HPD: variants seen among roughly 807,000 people sequenced by gnomAD.
HPD encodes 4-hydroxyphenylpyruvic acid oxidase.
Under a neutral mutation model 56.9 loss-of-function variants are expected in HPD, and 35 were observed. The observed-to-expected ratio is 0.62, with a 90% CI of 0.47 to 0.82. HPD has a LOEUF of 0.82. Among genes scored for constraint, HPD ranks in the 40% least tolerant of loss-of-function variants. The pLI, the probability that HPD is intolerant of heterozygous loss-of-function variation, is 0.00. For synonymous variants in HPD, 186 were observed against 200.2 expected (o/e 0.93, Z 0.60); for missense variants, 442 against 506.8 (o/e 0.87, Z 1.23).
Position 121,839,669 on chromosome 12 carries a change from G to A in HPD, c.*59C>T, listed in dbSNP as rs1877337707. On this transcript the variant is annotated 3_prime_UTR_variant, in exon 14 of 14. Coordinates refer to ENST00000289004, the MANE Select transcript of HPD (RefSeq NM_002150.3). ...GGAGCAGCCAGTAGGGAAGTTGGGC[G>A]AGTTCCAGAATCAGGGGGCGTGGCT... 2.4e-6 allele frequency: 3 copies of A among 1,262,520 alleles called. No individual in the cohort carries two copies. Among genetic ancestry groups the A allele is most frequent in the Non-Finnish European group, 3.5e-6 (3 of 861,556 alleles). 78.2% of individuals were successfully genotyped at this position (1,262,520 alleles called of 1,614,324 possible). A position where few individuals can be genotyped will look rare whatever the true frequency, so the allele number is the denominator to read the frequency against.
the HPD span, among the ~76,000 whole-genome samples, chr12:121,871,208 C>A: frequency 2.4e-3 from 357 of 151,672 alleles, 5 homozygotes; most frequent in East Asian, 0.035. Context: ...CAAAAAAAAA[C>A]CCCAAAATCA....
At chr12:121,868,202 C>G (rs893616104), upstream of HPD, among the ~76,000 whole-genome samples, 1 of 152,132 alleles carries the variant, frequency 6.6e-6, no homozygotes, top group Non-Finnish European at 1.5e-5. Context: ...AAAACCCAAA[C>G]AAACAACACT....
chr12:121,851,516 G>A (rs1329782565), intron 7 of HPD, among the ~76,000 whole-genome samples: 1 of 148,546 alleles, frequency 6.7e-6, no homozygotes, highest in African/African-American at 2.5e-5. Flanking sequence ...GCTAATTTTT[G>A]TATATTTAGT....
Position 121,846,895 on chromosome 12 carries a change from G to A in HPD, c.798C>T (p.His266=). 1.9e-6 allele frequency: 3 copies of A among 1,614,178 alleles called. No individual in the cohort carries two copies. The highest frequency in any genetic ancestry group is 1.7e-6 in the Non-Finnish European group (2 of 1,180,032). ...TGATGTCTTCGGTCTTGAGAGCGAT[G>A]TGCTGGACCCCAGCGCCCCCGTTAT... ...VDYNGGAGVQ[H]IALKTEDIIT... The change falls in exon 11 of 14, where the codon CAC becomes CAT. Residue 266 remains histidine, a synonymous_variant. Transcript: ENST00000289004.
At position 121,839,934 on chromosome 12, in the gene HPD, G is replaced by A; in HGVS notation, c.1069C>T (p.Gln357Ter). 1 of 1,612,928 alleles carries A rather than the reference G, an allele frequency of 6.2e-7. No homozygotes were observed. Among genetic ancestry groups the A allele is most frequent in the Non-Finnish European group, 8.5e-7 (1 of 1,178,862 alleles). Residue 357 changes from glutamine to a stop codon, truncating the protein, a stop_gained and splice_region_variant, in exon 13 of 14, where the codon CAG (glutamine) becomes TAG (stop). Coordinates refer to ENST00000289004, the MANE Select transcript of HPD (RefSeq NM_002150.3). LOFTEE classifies it high-confidence loss of function. Reference protein sequence around the residue: ...FLEVIQRHNHQGFGAGNFNSL... With the variant: ...FLEVIQRHNH The stretch of plus-strand genomic sequence containing the variant: ...GGCCTGCCGGGGACAAGCAGTACCT[G>A]GTGGTTGTGGCGCTGGATGACTTCC...
At chr12:121,856,765 G>A in intron 4 of HPD, 140 bp from the exon 5 acceptor site, 2 of 784,562 alleles carry the variant, frequency 2.5e-6, no homozygotes, top group South Asian at 2.9e-5. Flanking sequence ...CTCCTTCTCT[G>A]CCTTAGTTTC....
chr12:121,858,491 A>G (rs1050972475), intron 2 of HPD, among the ~76,000 whole-genome samples, 196 bp downstream of exon 2: 8 of 151,818 alleles, frequency 5.3e-5, no homozygotes, highest in African/African-American at 1.9e-4. Flanking sequence ...GCCAGGATAC[A>G]AGTTTGTTGT....
In HPD at chr12:121,839,667, G is replaced by C; in HGVS notation, c.*61C>G. On this transcript the variant is annotated 3_prime_UTR_variant, in exon 14 of 14. Transcript: ENST00000289004. ...GGGGAGCAGCCAGTAGGGAAGTTGGGCGAGTTCCAGAATCAGGGGGCGTGG... is the reference window on the plus strand; with the variant it reads ...GGGGAGCAGCCAGTAGGGAAGTTGGCCGAGTTCCAGAATCAGGGGGCGTGG... The C allele has an allele frequency of 2.4e-6, 3 of 1,250,546 alleles. No homozygotes were observed. The highest frequency in any genetic ancestry group is 3.5e-6 in the Non-Finnish European group (3 of 851,016). 77.5% of individuals were successfully genotyped at this position (1,250,546 alleles called of 1,614,324 possible).
chr12:121,879,445 C>A, the HPD span, among the ~76,000 whole-genome samples: 5 of 151,792 alleles, frequency 3.3e-5, no homozygotes, highest in Non-Finnish European at 5.9e-5. Flanking sequence ...GAATGCCCAC[C>A]CAGACTACTC....
the HPD span, among the ~76,000 whole-genome samples, chr12:121,886,338 A>C: frequency 6.7e-6 from 1 of 149,886 alleles, no homozygotes; most frequent in African/African-American, 2.5e-5. Flanking sequence ...TCGATCTCCT[A>C]ACCTCATGAT....
chr12:121,879,431 C>G, the HPD span, among the ~76,000 whole-genome samples: 2 of 150,162 alleles, frequency 1.3e-5, no homozygotes, highest in Admixed American at 1.3e-4. Flanking sequence ...CTTGGATGAT[C>G]TGGGAATGCC....
chr12:121,886,158 G>C, the HPD span, among the ~76,000 whole-genome samples: 1 of 148,576 alleles, frequency 6.7e-6, no homozygotes, highest in African/African-American at 2.5e-5. Flanking sequence ...GCCCGGGCTG[G>C]AGTGCAGTGG....
chr12:121,882,412 T>C, the HPD span, among the ~76,000 whole-genome samples: 1 of 152,180 alleles, frequency 6.6e-6, no homozygotes, highest in Non-Finnish European at 1.5e-5. Flanking sequence ...GAGAGGCAAC[T>C]GAAGTTCTCC....
At chr12:121,881,073 G>C in the HPD span, among the ~76,000 whole-genome samples, 2 of 152,330 alleles carry the variant, frequency 1.3e-5, no homozygotes, top group South Asian at 4.1e-4. Flanking sequence ...TTACAGGCGT[G>C]AGCCAACGTG....
the HPD span, among the ~76,000 whole-genome samples, chr12:121,886,700 C>A: frequency 0.029 from 4,485 of 152,120 alleles, 113 homozygotes; most frequent in Non-Finnish European, 0.042. Flanking sequence ...AAAAGTGATT[C>A]TCTCATATAA....
the HPD span, among the ~76,000 whole-genome samples, chr12:121,870,595 G>GT: frequency 0.33 from 40,906 of 123,228 alleles, 7,726 homozygotes; most frequent in Non-Finnish European, 0.42. Context: ...GCTATTGAAG[G>GT]TTTTTTTTTT....
At chr12:121,866,248 C>G (rs551984527), upstream of HPD, among the ~76,000 whole-genome samples, 1 of 148,642 alleles carries the variant, frequency 6.7e-6, no homozygotes, top group Admixed American at 6.8e-5. Flanking sequence ...TTGCAGTGAG[C>G]AGAGATCTTG....
upstream of HPD, among the ~76,000 whole-genome samples, chr12:121,866,607 A>G (rs1223163282): frequency 6.6e-6 from 1 of 151,312 alleles, no homozygotes; most frequent in African/African-American, 2.4e-5. Context: ...AAGCTTAGTG[A>G]CTTCAGGGTT....
At chr12:121,886,109 G>GTT in the HPD span, among the ~76,000 whole-genome samples, 39 of 129,440 alleles carry the variant, frequency 3.0e-4, no homozygotes, top group Non-Finnish European at 4.2e-4. Context: ...ATTGCATTTA[G>GTT]TTTTTTTTTT....
Sources: allele counts gnomAD v4.1 joint callset (sites outside exome capture counted in the v4.1 genomes callset), GRCh38; gene constraint gnomAD v4.1.1; transcripts MANE v1.5; gene names NCBI Gene and HGNC (gene_info 2026-07-23, HGNC 2026-07-21).